CPEB3: variants seen among roughly 807,000 people sequenced by gnomAD.
CPEB3 encodes the protein cytoplasmic polyadenylation element-binding protein 3.
A neutral mutation model predicts 67.2 loss-of-function variants in CPEB3; 20 were observed. The ratio of observed to expected loss-of-function variants is 0.30; its 90% CI spans 0.21 to 0.43. The LOEUF is 0.43. Among genes scored for constraint, CPEB3 ranks in the 20% least tolerant of loss-of-function variants. The pLI is 1.00. For missense variants in CPEB3, 746 were observed against 968.6 expected (o/e 0.77, Z 3.05); for synonymous variants, 376 against 393.1 (o/e 0.96, Z 0.51).
At chr10:92,245,573 ATT>A (rs1852025729) in intron 1 of CPEB3, among the ~76,000 whole-genome samples, 1 of 152,070 alleles carries the variant, frequency 6.6e-6, no homozygotes, top group African/African-American at 2.4e-5. Flanking sequence ...CTTAGCTTAT[ATT>A]TCCCATTTTT....
In CPEB3 at chr10:92,197,043, C is replaced by T. The variant is rs112863584; in HGVS notation, c.1006-4407G>A. On this transcript the variant is annotated intron_variant, in intron 2 of 9. Transcript: ENST00000265997. The stretch of plus-strand genomic sequence containing the variant: ...GGCTACCATAATATTAGGGAGAACA[C>T]AAAAAGATTTCTGTGATGCTATCTC... Among the ~76,000 whole-genome samples the T allele has an allele frequency of 2.4e-3, 365 of 152,054 alleles. 2 individuals are homozygous for T. Among genetic ancestry groups the T allele is most frequent in the African/African-American group, 7.9e-3 (326 of 41,484 alleles).
Position 92,119,197 on chromosome 10 carries a change from C to T in CPEB3, c.1454-8003G>A, listed in dbSNP as rs1359015801. 4 of 1,581,834 alleles carry T rather than the reference C, an allele frequency of 2.5e-6. No homozygotes were observed. The African/African-American group carries it at 5.4e-5, about 21-fold the overall frequency. ...AGGTTCCCAGCATCATATTCCTACA[C>T]ATTATTACATTCACCCATCTTTCTG... On this transcript the variant is annotated intron_variant, in intron 6 of 9. Transcript: ENST00000265997.
rs1163974877 is a variant in CPEB3, at chr10:92,217,206, CAAAAAAA to C, written c.1005+22133_1005+22139del. 6.1e-3 allele frequency among the ~76,000 whole-genome samples: 154 copies of C among 25,446 alleles called. 1 individual carries two copies. Among genetic ancestry groups the C allele is most frequent in the African/African-American group, 0.026 (141 of 5,416 alleles). The allele number at this position is 25,446 out of a possible 152,430, so 16.7% of individuals were successfully genotyped here. On this transcript the variant is annotated intron_variant, in intron 2 of 9. Coordinates refer to ENST00000265997, the MANE Select transcript of CPEB3 (RefSeq NM_014912.5). ...CTGGCGACACAGCGAGACTCTGCCTCAAAAAAAAAAAAAAAAAAAAAAAAAAAATTAT... is the reference window on the plus strand; with the variant it reads ...CTGGCGACACAGCGAGACTCTGCCTCAAAAAAAAAAAAAAAAAAAAATTAT...
chr10:92,159,944 CT>C (rs368362388), intron 4 of CPEB3, among the ~76,000 whole-genome samples: 126 of 143,928 alleles, frequency 8.8e-4, no homozygotes, highest in East Asian at 1.2e-3. Flanking sequence ...TGAAAAAAAT[CT>C]TTTTTTTTTT....
chr10:92,080,270 G>T (rs1843094872), intron 9 of CPEB3, among the ~76,000 whole-genome samples: 1 of 151,866 alleles, frequency 6.6e-6, no homozygotes, highest in Non-Finnish European at 1.5e-5. Context: ...TTAATACAGG[G>T]TCCAGATTGG....
At chr10:92,084,002 T>TA (rs1843266085) in intron 8 of CPEB3, among the ~76,000 whole-genome samples, 1 of 152,048 alleles carries the variant, frequency 6.6e-6, no homozygotes, top group African/African-American at 2.4e-5. Flanking sequence ...GCTAACACGG[T>TA]GAAACCCCGT....
At chr10:92,086,332 A>G (rs1237771656) in intron 8 of CPEB3, among the ~76,000 whole-genome samples, 3 of 152,236 alleles carry the variant, frequency 2.0e-5, no homozygotes, top group Admixed American at 6.5e-5. Flanking sequence ...ACACACTTCA[A>G]GTGGAAGAAA....
At chr10:92,075,426 G>A (rs542380145) in intron 9 of CPEB3, among the ~76,000 whole-genome samples, 31 of 152,136 alleles carry the variant, frequency 2.0e-4, no homozygotes, top group South Asian at 8.3e-4. Context: ...CATGAAATAC[G>A]GGATGATTAA....
At chr10:92,147,351 G>T (rs549164539) in intron 4 of CPEB3, among the ~76,000 whole-genome samples, 4 of 152,152 alleles carry the variant, frequency 2.6e-5, no homozygotes, top group Admixed American at 2.6e-4. Context: ...AGCTACTGGG[G>T]AAGCTGAGGT....
intron 1 of CPEB3, among the ~76,000 whole-genome samples, chr10:92,257,407 G>T (rs1432498917): frequency 6.6e-6 from 1 of 152,118 alleles, no homozygotes; most frequent in Non-Finnish European, 1.5e-5. Flanking sequence ...TGATCCTCCT[G>T]CCTCAGTCCC....
At chr10:92,096,738 G>A (rs142809895) in intron 7 of CPEB3, among the ~76,000 whole-genome samples, 2 of 152,260 alleles carry the variant, frequency 1.3e-5, no homozygotes, top group African/African-American at 4.8e-5. Flanking sequence ...GAGGTCAGGA[G>A]TTCGACACCA....
At chr10:92,083,742 T>C (rs950090415) in intron 8 of CPEB3, among the ~76,000 whole-genome samples, 1 of 152,138 alleles carries the variant, frequency 6.6e-6, no homozygotes, top group Non-Finnish European at 1.5e-5. Flanking sequence ...TGGCAAGGAA[T>C]TGAATGGCAC....
intron 4 of CPEB3, 55 bp from the exon 5 acceptor site, chr10:92,145,140 T>A (rs1846617783): frequency 6.3e-7 from 1 of 1,596,700 alleles, no homozygotes; most frequent in Non-Finnish European, 8.6e-7. Flanking sequence ...GTTTCTATAA[T>A]TAAAATGATT....
chr10:92,285,035 A>G (rs1287447711), intron 1 of CPEB3, among the ~76,000 whole-genome samples: 1 of 152,224 alleles, frequency 6.6e-6, no homozygotes, highest in Non-Finnish European at 1.5e-5. Context: ...ATAAACTGGT[A>G]AGAGCCTTCC....
At chr10:92,282,922 GT>G (rs1021067162) in intron 1 of CPEB3, among the ~76,000 whole-genome samples, 2 of 152,114 alleles carry the variant, frequency 1.3e-5, no homozygotes, top group African/African-American at 4.8e-5. Context: ...ACTTATTTCT[GT>G]TTCCAACCCA....
chr10:92,111,264 T>G (rs763518472), intron 6 of CPEB3, 70 bp from the exon 7 acceptor site: 17 of 1,016,992 alleles, frequency 1.7e-5, no homozygotes, highest in Non-Finnish European at 2.6e-5. Flanking sequence ...CAATTACAAA[T>G]TATCTGTTGT....
At chr10:92,289,935 G>GA (rs1273848403) in intron 1 of CPEB3, among the ~76,000 whole-genome samples, 4 of 126,322 alleles carry the variant, frequency 3.2e-5, no homozygotes, top group Admixed American at 1.6e-4. Flanking sequence ...TGGTGGGGGG[G>GA]GGTGGGTGCT....
intron 2 of CPEB3, among the ~76,000 whole-genome samples, chr10:92,199,806 T>C (rs1474545287): frequency 6.6e-6 from 1 of 151,888 alleles, no homozygotes; most frequent in Non-Finnish European, 1.5e-5. Flanking sequence ...TTCTGCACTA[T>C]AAACAGTTTA....
chr10:92,270,656 G>A (rs112387258), intron 1 of CPEB3, among the ~76,000 whole-genome samples: 69 of 149,576 alleles, frequency 4.6e-4, no homozygotes, highest in African/African-American at 1.5e-3. Context: ...TCAACCTCCC[G>A]GGCTCAAGCA....
Sources: allele counts gnomAD v4.1 joint callset (sites outside exome capture counted in the v4.1 genomes callset), GRCh38; gene constraint gnomAD v4.1.1; transcripts MANE v1.5; gene names NCBI Gene and HGNC (gene_info 2026-07-23, HGNC 2026-07-21).